Variants in FOXP2 observed in about 807,000 individuals in gnomAD.
FOXP2 encodes the protein forkhead box protein P2.
FOXP2 carries 12 observed loss-of-function variants against 115.8 expected under a neutral mutation model. That is an observed-to-expected ratio of 0.10 (90% CI 0.07 to 0.17). The LOEUF (loss-of-function observed/expected upper bound fraction) is 0.17, where lower values mean the gene tolerates loss of function less well. Ranked by LOEUF, FOXP2 falls within the 10% of genes least tolerant of loss-of-function variation. The probability of loss-of-function intolerance (pLI) is 1.00; values close to 1 mark genes in which losing one functional copy is unlikely to be tolerated. For synonymous variants in FOXP2, 328 were observed against 297.7 expected (o/e 1.10, Z -1.05); for missense variants, 629 against 843.5 (o/e 0.75, Z 3.15).
At chr7:114,585,132 G>T (rs1386710393) in intron 3 of FOXP2, among the ~76,000 whole-genome samples, 1 of 152,038 alleles carries the variant, frequency 6.6e-6, no homozygotes, top group African/African-American at 2.4e-5. Context: ...CCTTACTAAC[G>T]AAGAAAAGTT....
intron 16 of FOXP2, among the ~76,000 whole-genome samples, chr7:114,674,535 ATCAAT>A (rs1458077843): frequency 6.6e-6 from 1 of 152,208 alleles, no homozygotes; most frequent in Non-Finnish European, 1.5e-5. Flanking sequence ...AAAAACAAAG[ATCAAT>A]TCATTTAACA....
chr7:114,442,403 A>T (rs1230661480), intron 2 of FOXP2, among the ~76,000 whole-genome samples: 1 of 151,326 alleles, frequency 6.6e-6, no homozygotes, highest in Non-Finnish European at 1.5e-5. Flanking sequence ...TGCAGTAATG[A>T]TTGCACAACT....
intron 2 of FOXP2, among the ~76,000 whole-genome samples, chr7:114,433,407 A>C (rs1794200273): frequency 6.6e-6 from 1 of 151,990 alleles, no homozygotes; most frequent in African/African-American, 2.4e-5. Context: ...TCTTTTCCAA[A>C]GGAATATTTT....
intron 1 of FOXP2, among the ~76,000 whole-genome samples, chr7:114,252,425 A>G (rs1299144033): frequency 6.6e-6 from 1 of 151,914 alleles, no homozygotes; most frequent in Non-Finnish European, 1.5e-5. Flanking sequence ...CTGGTCCTGG[A>G]CTTTTTTTGG....
chr7:114,482,676 T>C (rs550001696), intron 2 of FOXP2, among the ~76,000 whole-genome samples: 56 of 151,726 alleles, frequency 3.7e-4, no homozygotes, highest in Non-Finnish European at 8.1e-4. Flanking sequence ...TAGATATAAA[T>C]ATTTTTATGT....
intron 5 of FOXP2, among the ~76,000 whole-genome samples, chr7:114,631,213 T>C (rs1010621207): frequency 6.6e-6 from 1 of 152,150 alleles, no homozygotes; most frequent in Non-Finnish European, 1.5e-5. Flanking sequence ...AAAGTAGTGT[T>C]CTTTTAATCT....
intron 1 of FOXP2, among the ~76,000 whole-genome samples, chr7:114,184,538 C>T (rs759630606): frequency 2.1e-4 from 32 of 152,128 alleles, no homozygotes; most frequent in Non-Finnish European, 4.3e-4. Flanking sequence ...CACTCGGAAG[C>T]TGTTGCTATA....
chr7:114,471,099 T>G (rs1381531443), intron 2 of FOXP2, among the ~76,000 whole-genome samples: 3 of 152,250 alleles, frequency 2.0e-5, no homozygotes. Flanking sequence ...TTGCCTTGTC[T>G]GTATTCTTCA....
At chr7:114,508,660 A>G (rs1429343431) in intron 2 of FOXP2, among the ~76,000 whole-genome samples, 1 of 152,034 alleles carries the variant, frequency 6.6e-6, no homozygotes, top group Non-Finnish European at 1.5e-5. Context: ...TGAGCCATTA[A>G]AGAGATTTTT....
chr7:114,344,183 G>C (rs1016868594), intron 2 of FOXP2, among the ~76,000 whole-genome samples: 1 of 151,690 alleles, frequency 6.6e-6, no homozygotes, highest in African/African-American at 2.4e-5. Context: ...CAAGATACGT[G>C]CATTGTACTA....
chr7:114,329,769 A>G (rs1236669524), intron 2 of FOXP2, among the ~76,000 whole-genome samples: 1 of 151,838 alleles, frequency 6.6e-6, no homozygotes, highest in African/African-American at 2.4e-5. Context: ...CTCCGCCTCC[A>G]GTGCTCAAGC....
intron 2 of FOXP2, among the ~76,000 whole-genome samples, chr7:114,362,221 A>G (rs944748745): frequency 6.6e-6 from 1 of 152,070 alleles, no homozygotes; most frequent in Non-Finnish European, 1.5e-5. Flanking sequence ...GACTGATGTA[A>G]GCTTACAAAA....
chr7:114,298,043 C>A (rs1211093150), intron 2 of FOXP2, among the ~76,000 whole-genome samples: 1 of 152,064 alleles, frequency 6.6e-6, no homozygotes, highest in African/African-American at 2.4e-5. Flanking sequence ...GGACTCCAAC[C>A]GTTTATTTCT....
intron 2 of FOXP2, among the ~76,000 whole-genome samples, chr7:114,394,474 G>A (rs759481591): frequency 6.6e-6 from 1 of 151,216 alleles, no homozygotes; most frequent in Non-Finnish European, 1.5e-5. Context: ...GTGAGGAATC[G>A]GATACTTATA....
At chr7:114,130,907 T>C (rs573824082) in intron 1 of FOXP2, among the ~76,000 whole-genome samples, 44 of 152,348 alleles carry the variant, frequency 2.9e-4, no homozygotes, top group African/African-American at 1.0e-3. Flanking sequence ...CATTTTATCA[T>C]AATGCTCACT....
At chr7:114,197,703 T>C (rs1196258848) in intron 1 of FOXP2, among the ~76,000 whole-genome samples, 1 of 152,216 alleles carries the variant, frequency 6.6e-6, no homozygotes, top group Non-Finnish European at 1.5e-5. Flanking sequence ...TAACCTTTTT[T>C]CTAATGGTGT....
At position 114,514,105 on chromosome 7, in the gene FOXP2, A is replaced by T. The variant is rs1016502367; in HGVS notation, c.169-20512A>T. Among the ~76,000 whole-genome samples the T allele has an allele frequency of 2.0e-5, 3 of 151,786 alleles. No individual in the cohort carries two copies. In the East Asian group the frequency reaches 5.8e-4, roughly 29 times the overall value. On this transcript the variant is annotated intron_variant, in intron 2 of 16. Transcript: ENST00000350908. ...ATCTTATACACACACACACACACAC[A>T]CACACACACACACGCCATAAATATA... is the stretch of plus-strand genomic sequence containing the variant.
chr7:114,442,383 A>G (rs1283235047), intron 2 of FOXP2, among the ~76,000 whole-genome samples: 1 of 151,698 alleles, frequency 6.6e-6, no homozygotes, highest in Non-Finnish European at 1.5e-5. Flanking sequence ...AAAATGTTCT[A>G]AAATTGGACT....
intron 2 of FOXP2, among the ~76,000 whole-genome samples, chr7:114,459,537 G>A (rs1375102429): frequency 6.6e-6 from 1 of 152,150 alleles, no homozygotes; most frequent in Admixed American, 6.5e-5. Context: ...TCCGAATAAG[G>A]TTATCAAATC....
Sources: gnomAD v4.1 joint callset for allele counts (sites outside exome capture counted in the v4.1 genomes callset) on GRCh38, gnomAD v4.1.1 for gene constraint, MANE v1.5 for transcripts, NCBI Gene and HGNC (gene_info 2026-07-23, HGNC 2026-07-21) for gene names.